The following DOCK9 variants were observed in gnomAD, a reference collection of about 807,000 sequenced individuals.
DOCK9 encodes the protein dedicator of cytokinesis 9, also known as dedicator of cytokinesis protein 9.
DOCK9 carries 89 observed loss-of-function variants against 263.3 expected under a neutral mutation model. The ratio of observed to expected loss-of-function variants is 0.34; its 90% confidence interval spans 0.28 to 0.40. The LOEUF (loss-of-function observed/expected upper bound fraction) is 0.40, where lower values mean the gene tolerates loss of function less well. Among genes scored for constraint, DOCK9 ranks in the 10% least tolerant of loss-of-function variants. The pLI, the probability that DOCK9 is intolerant of heterozygous loss-of-function variation, is 1.00. For synonymous variants in DOCK9, 976 were observed against 973.1 expected (o/e 1.00, Z -0.06); for missense variants, 2,140 against 2,603.4 (o/e 0.82, Z 3.87).
chr13:98,902,443 G>T lies in DOCK9; in HGVS notation c.1225C>A (p.Arg409=). ...ACGTGGAAATCGGCAGAAATCTTCC[G>T]GTTGTATTTTATGTCAAACAGGGAT... ...TLSLFDIKYN[R]KISADFHVDL... The change falls in exon 12 of 53, where the codon CGG becomes AGG. Residue 409 remains arginine, a synonymous_variant. Coordinates refer to ENST00000682017, the MANE Select transcript of DOCK9 (RefSeq NM_001366683.2). 6.2e-7 allele frequency: 1 copy of T among 1,613,918 alleles called. No homozygotes were observed. Among genetic ancestry groups the T allele is most frequent in the Non-Finnish European group, 8.5e-7 (1 of 1,179,870 alleles).
intron 1 of DOCK9, among the ~76,000 whole-genome samples, chr13:99,048,630 A>G (rs2040546991): frequency 6.6e-6 from 1 of 152,120 alleles, no homozygotes; most frequent in African/African-American, 2.4e-5. Context: ...TAACATACAG[A>G]TTTCTCAATT....
intron 1 of DOCK9, among the ~76,000 whole-genome samples, chr13:99,008,044 A>G (rs1346731088): frequency 2.0e-5 from 3 of 152,004 alleles, no homozygotes; most frequent in African/African-American, 7.2e-5. Flanking sequence ...TTATCACAAC[A>G]TTTATAATTG....
intron 7 of DOCK9, among the ~76,000 whole-genome samples, chr13:98,918,182 C>G (rs1247915478): frequency 2.0e-5 from 3 of 152,132 alleles, no homozygotes; most frequent in Admixed American, 6.5e-5. Flanking sequence ...GAAGTGAGCC[C>G]CAAATTGCCT....
intron 45 of DOCK9, among the ~76,000 whole-genome samples, chr13:98,816,364 G>T (rs975987449): frequency 6.6e-6 from 1 of 152,100 alleles, no homozygotes; most frequent in African/African-American, 2.4e-5. Context: ...GACAGAGGAA[G>T]ACCCAATGAA....
At chr13:99,085,909 G>C (rs1381612001) in intron 1 of DOCK9, among the ~76,000 whole-genome samples, 6 of 152,094 alleles carry the variant, frequency 3.9e-5, no homozygotes, top group Admixed American at 3.3e-4. Context: ...ACAGAAAGCA[G>C]GTAAATTGGG....
intron 2 of DOCK9, among the ~76,000 whole-genome samples, chr13:98,951,402 T>C (rs142902094): frequency 1.2e-4 from 19 of 152,290 alleles, no homozygotes; most frequent in African/African-American, 4.6e-4. Context: ...TTACTATTAG[T>C]AAGGTAAGCA....
intron 10 of DOCK9, among the ~76,000 whole-genome samples, chr13:98,903,599 C>CAAAAAAAAAAAAAAA (rs72290114): frequency 1.3e-5 from 1 of 78,540 alleles, no homozygotes; most frequent in African/African-American, 5.0e-5. Context: ...GACTCTGCCT[C>CAAAAAAAAAAAAAAA]AAAAAAAAAA....
chr13:98,807,492 C>A (rs563875278), intron 48 of DOCK9, among the ~76,000 whole-genome samples, 169 bp downstream of exon 48: 1 of 152,134 alleles, frequency 6.6e-6, no homozygotes, highest in African/African-American at 2.4e-5. Flanking sequence ...TAATGTCAAG[C>A]ATGTAATGGA....
In DOCK9 at chr13:98,948,043, A is replaced by AT. The variant is rs1414465703; in HGVS notation, c.243+7391dup. On this transcript the variant is annotated intron_variant, in intron 2 of 52. Transcript: ENST00000682017. ...GAGTGAGGACAAAACATCGTGAAAA[A>AT]TAAGTTTTTTTCTTTTCAAAAGGAC... Among the ~76,000 whole-genome samples the AT allele has an allele frequency of 4.6e-5, 7 of 152,346 alleles. No homozygotes were observed. The South Asian group carries it at 6.2e-4, about 14-fold the overall frequency.
chr13:98,818,847 G>T (rs1250507777), intron 45 of DOCK9, among the ~76,000 whole-genome samples: 1 of 152,176 alleles, frequency 6.6e-6, no homozygotes, highest in Non-Finnish European at 1.5e-5. Context: ...GTGTGTGTGT[G>T]TGTGCGCACA....
At chr13:99,049,354 G>A (rs539761804) in intron 1 of DOCK9, among the ~76,000 whole-genome samples, 128 of 152,278 alleles carry the variant, frequency 8.4e-4, no homozygotes, top group Non-Finnish European at 1.6e-3. Flanking sequence ...CCTTGTCATC[G>A]GGAGGCATGG....
intron 7 of DOCK9, among the ~76,000 whole-genome samples, chr13:98,920,293 A>G (rs2051720979): frequency 6.6e-6 from 1 of 152,206 alleles, no homozygotes; most frequent in Non-Finnish European, 1.5e-5. Flanking sequence ...CTATGATATA[A>G]AAGTACAACA....
At position 98,921,079 on chromosome 13, in the gene DOCK9, T is replaced by C. The variant is rs1296083398; in HGVS notation, c.592A>G (p.Arg198Gly). ...AISVTMRSFKRRFFHLIQLGD... is the reference protein window; with the variant it reads ...AISVTMRSFKGRFFHLIQLGD... ...AGTTGAATCAGGTGGAAAAATCGTC[T>C]CTTAAATGACTGAGAGAAAAATATA... The change falls in exon 7 of 53, where the codon AGA becomes GGA. Residue 198 changes from arginine (R) to glycine (G), a missense_variant. By Grantham distance (125) the Arg-to-Gly change is moderately radical (BLOSUM62 -2). Transcript: ENST00000682017. The C allele has an allele frequency of 6.3e-7, 1 of 1,599,440 alleles. No individual in the cohort carries two copies. Among genetic ancestry groups the C allele is most frequent in the Admixed American group, 1.7e-5 (1 of 57,878 alleles).
At chr13:99,035,016 G>A (rs951004176) in intron 1 of DOCK9, among the ~76,000 whole-genome samples, 1 of 152,178 alleles carries the variant, frequency 6.6e-6, no homozygotes, top group African/African-American at 2.4e-5. Flanking sequence ...ACTTCCTAAA[G>A]AATGAAGTGG....
At chr13:98,964,332 C>T (rs1249406917) in intron 1 of DOCK9, among the ~76,000 whole-genome samples, 1 of 152,160 alleles carries the variant, frequency 6.6e-6, no homozygotes, top group Non-Finnish European at 1.5e-5. Flanking sequence ...AGCAGAAGCA[C>T]TCAATAACTG....
intron 1 of DOCK9, among the ~76,000 whole-genome samples, chr13:98,963,479 A>C (rs1300076208): frequency 4.6e-5 from 7 of 152,216 alleles, no homozygotes; most frequent in Admixed American, 2.0e-4. Context: ...AGAGCACAGT[A>C]ATTTCACTGC....
chr13:98,996,797 T>A (rs1461545690), intron 1 of DOCK9, among the ~76,000 whole-genome samples: 1 of 152,262 alleles, frequency 6.6e-6, no homozygotes. Context: ...GCACTCCTGA[T>A]CTAATCCTTT....
At chr13:98,996,433 T>G (rs1227964888) in intron 1 of DOCK9, among the ~76,000 whole-genome samples, 1 of 152,238 alleles carries the variant, frequency 6.6e-6, no homozygotes, top group Non-Finnish European at 1.5e-5. Context: ...TCAATACTAA[T>G]ATTATATAAC....
intron 3 of DOCK9, among the ~76,000 whole-genome samples, chr13:98,929,135 A>G (rs1394871666): frequency 6.6e-6 from 1 of 152,218 alleles, no homozygotes; most frequent in Admixed American, 6.5e-5. Context: ...ATGAAGGTGC[A>G]CTTAAAGAAA....
Sources: allele counts gnomAD v4.1 joint callset (sites outside exome capture counted in the v4.1 genomes callset), GRCh38; gene constraint gnomAD v4.1.1; transcripts MANE v1.5; gene names NCBI Gene and HGNC (gene_info 2026-07-23, HGNC 2026-07-21).